Variants in ARHGAP21 observed in about 807,000 individuals in gnomAD.
ARHGAP21 encodes the protein rho GTPase-activating protein 21.
A neutral mutation model predicts 164.6 loss-of-function variants in ARHGAP21; 38 were observed. The ratio of observed to expected loss-of-function variants is 0.23; its 90% CI spans 0.18 to 0.30. The LOEUF is 0.30. ARHGAP21 is among the 10% of genes least tolerant of loss of function. ARHGAP21 has a pLI of 1.00. For synonymous variants in ARHGAP21, 766 were observed against 857.9 expected, an observed-to-expected ratio of 0.89 and a Z score of 1.87; for missense variants, 1,822 against 2,370.7, an observed-to-expected ratio of 0.77 and a Z score of 4.81.
intron 2 of ARHGAP21, among the ~76,000 whole-genome samples, chr10:24,710,517 T>G (rs1004097039): frequency 6.6e-6 from 1 of 152,176 alleles, no homozygotes; most frequent in African/African-American, 2.4e-5. Flanking sequence ...CTATAAGTAC[T>G]TGTTCAATTG....
At position 24,707,286 on chromosome 10, in the gene ARHGAP21, C is replaced by T. The variant is rs150767527; in HGVS notation, c.63+14551G>A. Among the ~76,000 whole-genome samples, 229 of 152,292 alleles carry T rather than the reference C, an allele frequency of 1.5e-3. 5 individuals are homozygous for T. In the East Asian group the frequency reaches 0.037, roughly 25 times the overall value. ...CATTCATTTGTAAGATGGAGACATA[C>T]CTTCACGAGGTTTAATCTGAAATAA... On this transcript the variant is annotated intron_variant, in intron 2 of 25. Transcript: ENST00000396432.
At chr10:24,688,704 T>C (rs1842443985) in intron 2 of ARHGAP21, among the ~76,000 whole-genome samples, 1 of 152,168 alleles carries the variant, frequency 6.6e-6, no homozygotes. Flanking sequence ...TAGTTCTCAG[T>C]GAAGGTTGAC....
intron 9 of ARHGAP21, among the ~76,000 whole-genome samples, chr10:24,610,769 T>C (rs1265807943): frequency 6.6e-6 from 1 of 152,206 alleles, no homozygotes; most frequent in Non-Finnish European, 1.5e-5. Flanking sequence ...CATAATAATT[T>C]CTCAGATATC....
intron 4 of ARHGAP21, among the ~76,000 whole-genome samples, chr10:24,666,381 C>T (rs1188793720): frequency 6.6e-6 from 1 of 152,160 alleles, no homozygotes; most frequent in Non-Finnish European, 1.5e-5. Flanking sequence ...ATAAAGGATA[C>T]ATGAAAATTC....
chr10:24,710,155 T>C (rs1347099223), intron 2 of ARHGAP21, among the ~76,000 whole-genome samples: 1 of 152,172 alleles, frequency 6.6e-6, no homozygotes, highest in Non-Finnish European at 1.5e-5. Flanking sequence ...GTCTTGTAGC[T>C]GAATAAGCTA....
rs2076604222 is a variant in ARHGAP21 at position 24,596,854 on chromosome 10, G to A, written c.3363C>T (p.Gly1121=). ...TACTTGGAATGCCTTTTCTCCATGT[G>A]CCTTTGTCTTTTGGGGGACTGGTAT... The part of the protein sequence containing the change: ...KDDTSPPKDK[G]TWRKGIPSIM... The change falls in exon 17 of 26, where the codon GGC becomes GGT. Residue 1121 remains glycine (G), a synonymous_variant. Coordinates refer to ENST00000396432, the MANE Select transcript of ARHGAP21 (RefSeq NM_020824.4). 6.2e-7 allele frequency: 1 copy of A among 1,609,616 alleles called. No homozygotes were observed.
chr10:24,606,239 A>G (rs1307627825), intron 11 of ARHGAP21, among the ~76,000 whole-genome samples: 1 of 152,182 alleles, frequency 6.6e-6, no homozygotes, highest in African/African-American at 2.4e-5. Flanking sequence ...AATTTTAAAT[A>G]TTTTTGCATG....
At chr10:24,591,499 A>G in intron 23 of ARHGAP21, 143 bp downstream of exon 23, 2 of 1,173,696 alleles carry the variant, frequency 1.7e-6, no homozygotes, top group African/African-American at 1.5e-5. Context: ...TTGTATATTC[A>G]TTAGATCAGA....
At chr10:24,722,696 A>C (rs1004897357) in intron 1 of ARHGAP21, 2 of 151,804 alleles carry the variant, frequency 1.3e-5, no homozygotes, top group African/African-American at 4.8e-5. Context: ...CAAAAACGCA[A>C]GCACAAAGCC....
At chr10:24,693,168 C>A (rs921459561) in intron 2 of ARHGAP21, among the ~76,000 whole-genome samples, 1 of 152,096 alleles carries the variant, frequency 6.6e-6, no homozygotes, top group Admixed American at 6.5e-5. Context: ...ACGACACAGG[C>A]GTGTTCACTT....
intron 2 of ARHGAP21, among the ~76,000 whole-genome samples, chr10:24,684,454 A>AT (rs1204739471): frequency 6.6e-6 from 1 of 152,174 alleles, no homozygotes. Context: ...CAGTATTTAC[A>AT]TTTTTTAAAA....
intron 21 of ARHGAP21, among the ~76,000 whole-genome samples, chr10:24,593,287 C>G (rs1019172987): frequency 5.3e-5 from 8 of 152,148 alleles, no homozygotes; most frequent in African/African-American, 1.7e-4. Context: ...GAAAGGTGTA[C>G]TTAAAACTGG....
intron 7 of ARHGAP21, among the ~76,000 whole-genome samples, chr10:24,625,299 G>GAA (rs34935501): frequency 7.4e-4 from 40 of 53,700 alleles, no homozygotes; most frequent in Non-Finnish European, 1.1e-3. Context: ...ATGAAACAGA[G>GAA]AAAAAAAAAA....
At chr10:24,721,754 C>A (rs777671891) in intron 2 of ARHGAP21, 83 bp downstream of exon 2, 1 of 1,520,060 alleles carries the variant, frequency 6.6e-7, no homozygotes, top group Non-Finnish European at 9.0e-7. Flanking sequence ...AGTGAGGCCC[C>A]GTGGCCGGTA....
chr10:24,625,904 G>T (rs957178774), intron 7 of ARHGAP21, among the ~76,000 whole-genome samples: 14 of 152,190 alleles, frequency 9.2e-5, no homozygotes, highest in African/African-American at 2.9e-4. Flanking sequence ...AACTGGCAGG[G>T]TGACTTATGG....
rs1335755797 is a variant in ARHGAP21, at chr10:24,602,377, A to G, written c.2722-274T>C. ...TGAGAAAATGATCCGTTTGTGATTT[A>G]TGTTATTTGAAGAATGAAAACGGCA... is the stretch of plus-strand genomic sequence containing the variant. On this transcript the variant is annotated intron_variant, in intron 12 of 25. Transcript: ENST00000396432. 2.6e-5 allele frequency among the ~76,000 whole-genome samples: 4 copies of G among 152,194 alleles called. No homozygotes were observed. The East Asian group carries it at 7.7e-4, about 29-fold the overall frequency.
intron 4 of ARHGAP21, among the ~76,000 whole-genome samples, chr10:24,648,220 G>A (rs908664594): frequency 6.6e-6 from 1 of 152,088 alleles, no homozygotes; most frequent in Non-Finnish European, 1.5e-5. Flanking sequence ...CACCTCCCTC[G>A]AACAGGTACG....
At chr10:24,715,674 G>A (rs1167966267) in intron 2 of ARHGAP21, among the ~76,000 whole-genome samples, 1 of 152,136 alleles carries the variant, frequency 6.6e-6, no homozygotes, top group East Asian at 1.9e-4. Context: ...GAGGTCTAAG[G>A]AAGAACATAT....
intron 2 of ARHGAP21, among the ~76,000 whole-genome samples, chr10:24,707,626 T>TC (rs1171857925): frequency 1.3e-5 from 2 of 152,096 alleles, no homozygotes; most frequent in African/African-American, 4.8e-5. Context: ...CCTCCTCTAT[T>TC]CCCTAATCTG....
Sources: allele counts gnomAD v4.1 joint callset (sites outside exome capture counted in the v4.1 genomes callset), GRCh38; gene constraint gnomAD v4.1.1; transcripts MANE v1.5; gene names NCBI Gene and HGNC (gene_info 2026-07-23, HGNC 2026-07-21).